The following PIBF1 variants were observed in gnomAD, a reference collection of about 807,000 sequenced individuals.
PIBF1 encodes progesterone immunomodulatory binding factor 1.
PIBF1 carries 90 observed loss-of-function variants against 112.5 expected under a neutral mutation model. The observed-to-expected ratio is 0.80, with a 90% CI of 0.67 to 0.95. The LOEUF is 0.95. Ranked by LOEUF, PIBF1 falls within the 40% of genes least tolerant of loss-of-function variation. The probability of loss-of-function intolerance (pLI) is 0.00; values close to 1 mark genes in which losing one functional copy is unlikely to be tolerated. For synonymous variants in PIBF1, 301 were observed against 288.6 expected, an observed-to-expected ratio of 1.04 and a Z score of -0.44; for missense variants, 915 against 852.3, an observed-to-expected ratio of 1.07 and a Z score of -0.92.
At chr13:72,792,152 C>T (rs909714193) in intron 2 of PIBF1, among the ~76,000 whole-genome samples, 8 of 151,722 alleles carry the variant, frequency 5.3e-5, no homozygotes, top group African/African-American at 1.2e-4. Context: ...AAAAATTAAC[C>T]GGGTGTGGTG....
At chr13:72,824,388 A>G (rs1465701265) in intron 6 of PIBF1, among the ~76,000 whole-genome samples, 2 of 152,176 alleles carry the variant, frequency 1.3e-5, no homozygotes, top group African/African-American at 4.8e-5. Context: ...GGCTAAATAT[A>G]GCAAACTTGA....
At chr13:72,828,640 C>CATATATGCCA (rs1357327847) in intron 8 of PIBF1, among the ~76,000 whole-genome samples, 15 of 152,116 alleles carry the variant, frequency 9.9e-5, no homozygotes, top group Non-Finnish European at 2.1e-4. Context: ...CATATATATT[C>CATATATGCCA]CATGGTACAT....
intron 13 of PIBF1, among the ~76,000 whole-genome samples, chr13:72,929,249 T>C (rs1025662751): frequency 3.3e-5 from 5 of 152,234 alleles, no homozygotes; most frequent in Non-Finnish European, 7.3e-5. Flanking sequence ...AAACTGATGC[T>C]TGCAAACGTA....
Position 72,965,135 on chromosome 13 carries a change from T to G in PIBF1, c.1834-139T>G, listed in dbSNP as rs995764175. 4.1e-6 allele frequency: 3 copies of G among 737,570 alleles called. No homozygotes were observed. The African/African-American group carries it at 5.4e-5, about 13-fold the overall frequency. 45.7% of individuals were successfully genotyped at this position (737,570 alleles called of 1,614,324 possible). A position where few individuals can be genotyped will look rare whatever the true frequency, so the allele number is the denominator to read the frequency against. On this transcript the variant is annotated intron_variant, in intron 14 of 17. Transcript: ENST00000326291. Reference sequence around the variant, plus strand: ...GCTATATTGATTCACTCTTAAAACCTTCAAATTTACACAGGAAAAGCTTTT... The same window carrying G: ...GCTATATTGATTCACTCTTAAAACCGTCAAATTTACACAGGAAAAGCTTTT...
intron 14 of PIBF1, among the ~76,000 whole-genome samples, chr13:72,939,114 G>T (rs368433094): frequency 3.3e-5 from 5 of 152,062 alleles, no homozygotes; most frequent in African/African-American, 1.2e-4. Flanking sequence ...ATTCTGTGTG[G>T]GTTGTCTTTC....
intron 10 of PIBF1, among the ~76,000 whole-genome samples, chr13:72,873,230 T>C (rs1005748001): frequency 2.6e-5 from 4 of 152,118 alleles, no homozygotes; most frequent in African/African-American, 9.7e-5. Context: ...AGATACCATA[T>C]ACAAAAAAGT....
At chr13:72,972,283 C>T (rs1566505042) in intron 15 of PIBF1, among the ~76,000 whole-genome samples, 1 of 152,150 alleles carries the variant, frequency 6.6e-6, no homozygotes, top group South Asian at 2.1e-4. Context: ...TCTCCAACCT[C>T]GATCTCCCAA....
intron 12 of PIBF1, among the ~76,000 whole-genome samples, chr13:72,914,036 A>G (rs1002260368): frequency 5.3e-5 from 8 of 152,186 alleles, no homozygotes; most frequent in Admixed American, 1.3e-4. Flanking sequence ...AGAAGTGAGC[A>G]CAGACTTTTT....
intron 6 of PIBF1, 88 bp from the exon 7 acceptor site, chr13:72,826,922 C>T (rs1019491763): frequency 1.2e-5 from 7 of 595,064 alleles, no homozygotes; most frequent in South Asian, 3.4e-5. Context: ...CTCTATTCAG[C>T]GTCCTAATAC....
chr13:72,977,832 T>C (rs762133579), intron 16 of PIBF1, among the ~76,000 whole-genome samples: 6 of 152,236 alleles, frequency 3.9e-5, no homozygotes, highest in Non-Finnish European at 8.8e-5. Flanking sequence ...ATGAGTGGAA[T>C]ATTAGGTGAT....
chr13:72,844,762 C>CGGATGA (rs375548034), intron 9 of PIBF1, among the ~76,000 whole-genome samples: 2 of 125,966 alleles, frequency 1.6e-5, no homozygotes, highest in Non-Finnish European at 3.4e-5. Context: ...CACACACACA[C>CGGATGA]ACACACACAC....
At chr13:72,985,543 C>T (rs2138981977) in intron 16 of PIBF1, among the ~76,000 whole-genome samples, 1 of 151,658 alleles carries the variant, frequency 6.6e-6, no homozygotes, top group South Asian at 2.1e-4. Flanking sequence ...GACTCCGTCT[C>T]AAAAAACAGA....
At chr13:72,816,715 A>G (rs1219347171) in intron 5 of PIBF1, among the ~76,000 whole-genome samples, 1 of 151,802 alleles carries the variant, frequency 6.6e-6, no homozygotes, top group African/African-American at 2.4e-5. Flanking sequence ...AAAAGCCTTA[A>G]GTTTTTATTT....
At chr13:72,949,386 G>A (rs1019592462) in intron 14 of PIBF1, among the ~76,000 whole-genome samples, 13 of 128,572 alleles carry the variant, frequency 1.0e-4, no homozygotes, top group Non-Finnish European at 1.9e-4. Flanking sequence ...CACAATCTCG[G>A]CTCACTGCAA....
At chr13:72,863,142 TACCAGAGGGAGGAAAAAGATCA>T (rs978379645) in intron 10 of PIBF1, among the ~76,000 whole-genome samples, 2 of 152,022 alleles carry the variant, frequency 1.3e-5, no homozygotes, top group African/African-American at 4.8e-5. Context: ...TTTTGCATAC[TACCAGAGGGAGGAAAAAGATCA>T]ATCACAGGCT....
At position 72,982,229 on chromosome 13, in the gene PIBF1, A is replaced by G. The variant is rs144660952; in HGVS notation, c.2049+8554A>G. Among the ~76,000 whole-genome samples the G allele has an allele frequency of 3.6e-3, 547 of 152,252 alleles. 2 individuals carry two copies. Among genetic ancestry groups the G allele is most frequent in the African/African-American group, 0.012 (513 of 41,548 alleles). Reference sequence around the variant, plus strand: ...AAGGCAGGCAGATCGCTTGAGCTCAAGAGTTCAAGATCAGCCTGGGCAACA... The same window carrying G: ...AAGGCAGGCAGATCGCTTGAGCTCAGGAGTTCAAGATCAGCCTGGGCAACA... On this transcript the variant is annotated intron_variant, in intron 16 of 17. Transcript: ENST00000326291.
At chr13:72,990,118 G>A (rs1450812364) in intron 16 of PIBF1, among the ~76,000 whole-genome samples, 2 of 151,042 alleles carry the variant, frequency 1.3e-5, no homozygotes, top group Non-Finnish European at 2.9e-5. Flanking sequence ...GGAGGCTGAG[G>A]CAGGAGAATC....
chr13:72,882,937 T>C (rs981554039), intron 10 of PIBF1, among the ~76,000 whole-genome samples: 2 of 152,174 alleles, frequency 1.3e-5, no homozygotes, highest in African/African-American at 4.8e-5. Flanking sequence ...GCTTTATGCT[T>C]GATCAATGAT....
intron 9 of PIBF1, among the ~76,000 whole-genome samples, chr13:72,847,351 T>C (rs968197203): frequency 1.3e-5 from 2 of 152,222 alleles, no homozygotes; most frequent in Non-Finnish European, 2.9e-5. Context: ...AGAAGTTTAT[T>C]GGCTCACAGG....
Sources: allele counts gnomAD v4.1 joint callset (sites outside exome capture counted in the v4.1 genomes callset), GRCh38; gene constraint gnomAD v4.1.1; transcripts MANE v1.5; gene names NCBI Gene and HGNC (gene_info 2026-07-23, HGNC 2026-07-21).